Variants in COL19A1 observed in about 807,000 individuals in gnomAD.
COL19A1 encodes the protein collagen alpha-1(XIX) chain.
COL19A1 carries 159 observed loss-of-function variants against 190.2 expected under a neutral mutation model. That is an observed-to-expected ratio of 0.84 (90% CI 0.73 to 0.95). The LOEUF (loss-of-function observed/expected upper bound fraction) is 0.95. Ranked by LOEUF, COL19A1 falls within the 40% of genes least tolerant of loss-of-function variation. COL19A1 has a pLI of 0.00. For missense variants in COL19A1, 1,418 were observed against 1,431.9 expected (o/e 0.99, Z 0.16); for synonymous variants, 509 against 458.9 (o/e 1.11, Z -1.39).
chr6:70,104,210 C>T (rs886576213), intron 16 of COL19A1, among the ~76,000 whole-genome samples: 1 of 152,090 alleles, frequency 6.6e-6, no homozygotes, highest in Non-Finnish European at 1.5e-5. Flanking sequence ...CTGCATTAGT[C>T]CATTCTCATA....
chr6:70,183,617 G>A (rs1424448382), intron 44 of COL19A1, among the ~76,000 whole-genome samples: 1 of 152,016 alleles, frequency 6.6e-6, no homozygotes, highest in Non-Finnish European at 1.5e-5. Flanking sequence ...TAAATTCTTT[G>A]AACCATACAC....
intron 14 of COL19A1, among the ~76,000 whole-genome samples, chr6:70,036,952 G>C (rs757357445): frequency 6.6e-6 from 1 of 151,942 alleles, no homozygotes; most frequent in Non-Finnish European, 1.5e-5. Flanking sequence ...ACAAATAATT[G>C]TTACAACTCC....
intron 18 of COL19A1, among the ~76,000 whole-genome samples, chr6:70,136,351 C>G (rs1193167226): frequency 2.0e-5 from 3 of 152,232 alleles, no homozygotes; most frequent in Admixed American, 6.5e-5. Flanking sequence ...TTCACTGCAG[C>G]CTTGTTTATA....
At chr6:70,141,514 C>T (rs1786248091) in intron 20 of COL19A1, among the ~76,000 whole-genome samples, 1 of 151,986 alleles carries the variant, frequency 6.6e-6, no homozygotes, top group African/African-American at 2.4e-5. Flanking sequence ...GAATCACCAA[C>T]ACATATTACC....
chr6:69,916,575 A>T, intron 4 of COL19A1, among the ~76,000 whole-genome samples: 1 of 152,182 alleles, frequency 6.6e-6, no homozygotes, highest in East Asian at 1.9e-4. Flanking sequence ...ATAATAATTT[A>T]CCTTTCAGGG....
At chr6:69,875,531 G>A (rs747761825) in intron 1 of COL19A1, among the ~76,000 whole-genome samples, 13 of 152,186 alleles carry the variant, frequency 8.5e-5, no homozygotes, top group Non-Finnish European at 1.5e-4. Flanking sequence ...TGGGATAGTG[G>A]CAGAGAAATA....
intron 27 of COL19A1, among the ~76,000 whole-genome samples, chr6:70,147,316 C>T (rs773408836): frequency 1.9e-4 from 29 of 151,976 alleles, no homozygotes; most frequent in Non-Finnish European, 3.2e-4. Context: ...GTCTGAGTAA[C>T]GTCTTCAGAG....
chr6:70,176,728 C>A (rs1178702426), intron 42 of COL19A1, among the ~76,000 whole-genome samples, 164 bp downstream of exon 42: 1 of 152,174 alleles, frequency 6.6e-6, no homozygotes, highest in African/African-American at 2.4e-5. Context: ...GTATTTTCCA[C>A]CTCCACAATC....
At chr6:69,960,129 T>C (rs1014970893) in intron 10 of COL19A1, 89 bp downstream of exon 10, 3 of 1,274,044 alleles carry the variant, frequency 2.4e-6, no homozygotes, top group East Asian at 2.4e-5. Flanking sequence ...TTGTATTTGA[T>C]TAAGCTGAAT....
At chr6:70,079,869 G>GTATA (rs140333625) in intron 15 of COL19A1, among the ~76,000 whole-genome samples, 10 of 151,514 alleles carry the variant, frequency 6.6e-5, no homozygotes, top group African/African-American at 2.4e-4. Flanking sequence ...TCTCATAAGT[G>GTATA]TATATATATA....
chr6:69,867,929 TAAGGG>T (rs1767577638), intron 1 of COL19A1, among the ~76,000 whole-genome samples: 1 of 151,078 alleles, frequency 6.6e-6, no homozygotes, highest in Non-Finnish European at 1.5e-5. Context: ...GATGGAAGAG[TAAGGG>T]AAATAAATTG....
chr6:69,879,787 G>T, intron 2 of COL19A1, 129 bp downstream of exon 2: 1 of 817,546 alleles, frequency 1.2e-6, no homozygotes, highest in East Asian at 2.7e-5. Flanking sequence ...ACAATTCATT[G>T]CTTTCTTCCA....
intron 46 of COL19A1, among the ~76,000 whole-genome samples, chr6:70,185,201 T>A (rs1766431941): frequency 1.3e-5 from 2 of 152,238 alleles, no homozygotes; most frequent in Admixed American, 1.3e-4. Flanking sequence ...ATCTCTACTA[T>A]AACCATCACC....
At chr6:70,116,731 T>C (rs969103736) in intron 16 of COL19A1, among the ~76,000 whole-genome samples, 4 of 152,216 alleles carry the variant, frequency 2.6e-5, no homozygotes, top group Admixed American at 2.0e-4. Flanking sequence ...AAATGTTTCT[T>C]GAAAATTAGT....
chr6:69,926,573 G>A (rs534097975), intron 4 of COL19A1, among the ~76,000 whole-genome samples: 9 of 152,048 alleles, frequency 5.9e-5, no homozygotes, highest in Non-Finnish European at 1.2e-4. Flanking sequence ...GGAACTTGAA[G>A]ATAGTTCAAT....
chr6:70,195,109 T>C (rs1363539557), intron 48 of COL19A1, among the ~76,000 whole-genome samples: 1 of 146,008 alleles, frequency 6.8e-6, no homozygotes, highest in Non-Finnish European at 1.5e-5. Flanking sequence ...TTATATACAC[T>C]TCATCTGATA....
Position 70,209,181 on chromosome 6 carries a change from T to C in COL19A1, c.*1907T>C, listed in dbSNP as rs926124233. ...TACATAGATCTAAAATTTGGTGCTATGTGTATATCTTGAGCTTTTAATTTG... is the reference window on the plus strand; with the variant it reads ...TACATAGATCTAAAATTTGGTGCTACGTGTATATCTTGAGCTTTTAATTTG... On this transcript the variant is annotated 3_prime_UTR_variant, in exon 51 of 51. Transcript: ENST00000620364. 1 of 152,648 alleles carries C rather than the reference T, an allele frequency of 6.6e-6. No individual in the cohort carries two copies. The highest frequency in any genetic ancestry group is 2.4e-5 in the African/African-American group (1 of 41,462). 9.5% of individuals were successfully genotyped at this position (152,648 alleles called of 1,614,324 possible).
chr6:70,113,907 G>A (rs1175860273), intron 16 of COL19A1, among the ~76,000 whole-genome samples: 3 of 133,024 alleles, frequency 2.3e-5, no homozygotes, highest in Admixed American at 8.6e-5. Context: ...CTGGAGTGTA[G>A]TGGCGTGATC....
chr6:70,039,003 G>A (rs552529566), intron 14 of COL19A1, among the ~76,000 whole-genome samples: 10 of 151,842 alleles, frequency 6.6e-5, no homozygotes, highest in East Asian at 5.8e-4. Flanking sequence ...GCAGTGAGCC[G>A]AGATCGCGCC....
Sources: gnomAD v4.1 joint callset for allele counts (sites outside exome capture counted in the v4.1 genomes callset) on GRCh38, gnomAD v4.1.1 for gene constraint, MANE v1.5 for transcripts, NCBI Gene and HGNC (gene_info 2026-07-23, HGNC 2026-07-21) for gene names.